Variants in FAM13A observed in about 807,000 individuals in gnomAD.
FAM13A encodes the protein family with sequence similarity 13 member A, also known as protein FAM13A.
A neutral mutation model predicts 129.6 loss-of-function variants in FAM13A; 76 were observed. That is an observed-to-expected ratio of 0.59 (90% CI 0.49 to 0.71). The LOEUF (loss-of-function observed/expected upper bound fraction) is 0.71. Among genes scored for constraint, FAM13A ranks in the 30% least tolerant of loss-of-function variants. The pLI is 0.00. For synonymous variants in FAM13A, 443 were observed against 449.9 expected (o/e 0.98, Z 0.20); for missense variants, 1,108 against 1,249.3 (o/e 0.89, Z 1.70).
Position 88,800,667 on chromosome 4 carries a change from A to G in FAM13A, c.1049+4344T>C, listed in dbSNP as rs144207044. On this transcript the variant is annotated intron_variant, in intron 8 of 23. Coordinates refer to ENST00000264344, the MANE Select transcript of FAM13A (RefSeq NM_014883.4). ...GCCACTACACTCCAGCCCGGGCGAC[A>G]GAGTGAGACTCCATCTCAGAAACAA... Among the ~76,000 whole-genome samples the G allele has an allele frequency of 7.2e-3, 1,085 of 149,948 alleles. 10 individuals carry two copies. The highest frequency in any genetic ancestry group is 0.025 in the African/African-American group (1,007 of 40,674).
intron 4 of FAM13A, among the ~76,000 whole-genome samples, chr4:88,959,094 C>T (rs1441294453): frequency 3.3e-5 from 5 of 152,100 alleles, no homozygotes; most frequent in Admixed American, 6.5e-5. Flanking sequence ...AATTAAATAA[C>T]TTGTTTTTGA....
At chr4:88,786,745 T>TA (rs1415295781) in intron 10 of FAM13A, among the ~76,000 whole-genome samples, 1 of 152,162 alleles carries the variant, frequency 6.6e-6, no homozygotes, top group African/African-American at 2.4e-5. Flanking sequence ...AACTTATTTA[T>TA]ACTGTTTATC....
In FAM13A at chr4:88,851,129, C is replaced by T; in HGVS notation, c.898G>A (p.Glu300Lys). The T allele has an allele frequency of 1.9e-6, 3 of 1,612,988 alleles. No homozygotes were observed. The highest frequency in any genetic ancestry group is 2.5e-6 in the Non-Finnish European group (3 of 1,179,876). Residue 300 changes from glutamate to lysine, a missense_variant, in exon 7 of 24, where the codon GAG becomes AAG. Around this residue, in one of 3 missense-constraint regions of FAM13A, gnomAD observed 566 missense variants for 595.7 expected, o/e 0.95. Coordinates refer to ENST00000264344, the MANE Select transcript of FAM13A (RefSeq NM_014883.4). ...AGCTGAGGAATGCCATCAGATAGCT[C>T]TGGTTGCAGTACTCTGTGGGCCTGA... is the stretch of plus-strand genomic sequence containing the variant. ...SIQAHRVLQP[E>K]LSDGIPQLSL...
intron 7 of FAM13A, among the ~76,000 whole-genome samples, chr4:88,825,232 G>A (rs796446215): frequency 6.7e-6 from 1 of 148,618 alleles, no homozygotes; most frequent in South Asian, 2.1e-4. Flanking sequence ...TTTTTTGGGG[G>A]GGGGATGGAA....
chr4:88,923,325 T>C (rs990146642), intron 5 of FAM13A, among the ~76,000 whole-genome samples: 21 of 152,048 alleles, frequency 1.4e-4, no homozygotes, highest in Non-Finnish European at 2.4e-4. Flanking sequence ...CAAACCGAAT[T>C]CAGCAGCACA....
At chr4:88,877,770 G>A (rs1416854006) in intron 6 of FAM13A, among the ~76,000 whole-genome samples, 1 of 152,076 alleles carries the variant, frequency 6.6e-6, no homozygotes, top group Non-Finnish European at 1.5e-5. Context: ...AAATTTATGA[G>A]TACCAATCTC....
At chr4:89,004,082 C>T (rs1263046211) in intron 3 of FAM13A, among the ~76,000 whole-genome samples, 1 of 152,126 alleles carries the variant, frequency 6.6e-6, no homozygotes, top group African/African-American at 2.4e-5. Flanking sequence ...CTTGGCATCG[C>T]AAAATGCTGG....
intron 4 of FAM13A, among the ~76,000 whole-genome samples, chr4:88,962,055 GT>G (rs1175736426): frequency 1.3e-5 from 2 of 151,522 alleles, no homozygotes; most frequent in Non-Finnish European, 2.9e-5. Context: ...GGGAAAGAAG[GT>G]AACTAGGTAG....
At chr4:89,000,523 G>A (rs1276443021) in intron 3 of FAM13A, among the ~76,000 whole-genome samples, 1 of 152,154 alleles carries the variant, frequency 6.6e-6, no homozygotes, top group Non-Finnish European at 1.5e-5. Flanking sequence ...TGGGTGGTGG[G>A]AGGAGGGAGG....
intron 5 of FAM13A, among the ~76,000 whole-genome samples, chr4:88,907,202 G>A (rs1748310104): frequency 9.1e-6 from 1 of 109,854 alleles, no homozygotes; most frequent in Non-Finnish European, 2.3e-5. Context: ...TTCCATAGAT[G>A]ATTCCATCTC....
intron 5 of FAM13A, among the ~76,000 whole-genome samples, chr4:88,934,619 A>C (rs1487543918): frequency 6.6e-6 from 1 of 152,228 alleles, no homozygotes; most frequent in African/African-American, 2.4e-5. Context: ...TACTGGAAAG[A>C]TGTGCTTCTC....
At chr4:88,736,500 GA>G (rs1260590911) in intron 21 of FAM13A, 5 of 152,130 alleles carry the variant, frequency 3.3e-5, no homozygotes, top group African/African-American at 1.2e-4. Flanking sequence ...TATGACAAGT[GA>G]AACTCTTAAA....
chr4:88,805,121 G>T, intron 7 of FAM13A, 69 bp from the exon 8 acceptor site: 1 of 836,320 alleles, frequency 1.2e-6, no homozygotes, highest in Non-Finnish European at 2.0e-6. Context: ...TACTAAAAAT[G>T]TTCTACCTGT....
intron 13 of FAM13A, among the ~76,000 whole-genome samples, chr4:88,763,277 GTTCATTCATTCA>G (rs3067663): frequency 2.3e-4 from 35 of 150,730 alleles, no homozygotes; most frequent in Non-Finnish European, 4.7e-4. Context: ...TTTCCCATTC[GTTCATTCATTCA>G]TTCATTCATT....
intron 6 of FAM13A, 115 bp downstream of exon 6, chr4:88,906,264 G>T: frequency 1.3e-6 from 1 of 748,058 alleles, no homozygotes; most frequent in Non-Finnish European, 2.2e-6. Flanking sequence ...CTCCAGCCTG[G>T]ACGATAAAGC....
rs566922062 is a variant in FAM13A at position 89,000,227 on chromosome 4, CA to C, written c.428-9078del. 3.3e-5 allele frequency among the ~76,000 whole-genome samples: 5 copies of C among 152,234 alleles called. No homozygotes were observed. The South Asian group carries it at 1.0e-3, about 32-fold the overall frequency. On this transcript the variant is annotated intron_variant, in intron 3 of 23. Coordinates refer to ENST00000264344, the MANE Select transcript of FAM13A (RefSeq NM_014883.4). Reference sequence around the variant, plus strand: ...AGAGAAATGAAAGCATATATCCACACAAAAACTTGTACATAAATGTTCATAA... The same window carrying C: ...AGAGAAATGAAAGCATATATCCACACAAAACTTGTACATAAATGTTCATAA...
chr4:88,895,910 G>C (rs1445606075), intron 6 of FAM13A, among the ~76,000 whole-genome samples: 152 of 147,326 alleles, frequency 1.0e-3, no homozygotes, highest in African/African-American at 3.6e-3. Context: ...CCCAGCCATC[G>C]CATTACTGGG....
chr4:88,913,184 GAGGAGGAAGAGGAAGAGGAAGAAGAAC>G, intron 5 of FAM13A, among the ~76,000 whole-genome samples: 2 of 136,702 alleles, frequency 1.5e-5, no homozygotes, highest in South Asian at 2.5e-4. Flanking sequence ...GGAAGAAGTG[GAGGAGGAAGAGGAAGAGGAAGAAGAAC>G]AGGAGGAAGA....
intron 3 of FAM13A, among the ~76,000 whole-genome samples, chr4:89,008,226 A>G (rs1765307149): frequency 1.3e-5 from 2 of 152,176 alleles, no homozygotes; most frequent in Non-Finnish European, 2.9e-5. Context: ...TCCAAAATTC[A>G]CAGATTGACG....
Sources: allele counts gnomAD v4.1 joint callset (sites outside exome capture counted in the v4.1 genomes callset), GRCh38; gene constraint gnomAD v4.1.1; regional missense constraint gnomAD v4.1.1; transcripts MANE v1.5; gene names NCBI Gene and HGNC (gene_info 2026-07-23, HGNC 2026-07-21).